E4F1: variants seen among roughly 807,000 people sequenced by gnomAD.
The protein encoded by E4F1 is transcription factor E4F1.
In E4F1, 30 loss-of-function variants were observed where a neutral mutation model predicts 72.9. That is an observed-to-expected ratio of 0.41 (90% confidence interval 0.31 to 0.56). E4F1 has a LOEUF of 0.56. Ranked by LOEUF, E4F1 falls within the 20% of genes least tolerant of loss-of-function variation. The probability of loss-of-function intolerance (pLI) is 0.25; values close to 1 mark genes in which losing one functional copy is unlikely to be tolerated. For synonymous variants in E4F1, 542 were observed against 478.2 expected (o/e 1.13, Z -1.74); for missense variants, 1,091 against 1,117.5 (o/e 0.98, Z 0.34).
intron 3 of E4F1, 38 bp downstream of exon 3, chr16:2,229,713 T>C (rs1378152416): frequency 6.2e-7 from 1 of 1,604,814 alleles, no homozygotes; most frequent in Non-Finnish European, 8.5e-7. Context: ...CTGATAGACC[T>C]TCGTGGTTGG....
Position 2,234,196 on chromosome 16 carries a change from G to A in E4F1, c.1401G>A (p.Gln467=). ...GGCCGAGGCCGTTCGCCTGCGCGCA[G>A]TGTGGCAAGGCCTTCCCCAAGGCCT... ...HTGPRPFACA[Q]CGKAFPKAYL... Residue 467 remains glutamine (Q), a synonymous_variant, in exon 10 of 14, where the codon CAG becomes CAA. Transcript: ENST00000301727. 6.2e-7 allele frequency: 1 copy of A among 1,612,528 alleles called. No individual in the cohort carries two copies. The highest frequency in any genetic ancestry group is 8.5e-7 in the Non-Finnish European group (1 of 1,179,914).
At position 2,234,058 on chromosome 16, in the gene E4F1, T is replaced by C. The variant is rs58584758; in HGVS notation, c.1375+68T>C. On this transcript the variant is annotated intron_variant, in intron 9 of 13. Transcript: ENST00000301727. ...TATAGGTGGCCGGGGTGCTTCTGGG[T>C]GTCCAGGGTGGGTCCATAGACAGCA... 3,984 of 1,532,730 alleles carry C rather than the reference T, an allele frequency of 2.6e-3. 70 individuals are homozygous for C. In the African/African-American group the frequency reaches 0.044, roughly 17 times the overall value. 94.9% of individuals were successfully genotyped at this position (1,532,730 alleles called of 1,614,324 possible).
At chr16:2,227,685 G>A (rs2093440240) in intron 1 of E4F1, among the ~76,000 whole-genome samples, 1 of 152,056 alleles carries the variant, frequency 6.6e-6, no homozygotes, top group Admixed American at 6.6e-5. Flanking sequence ...ATTTTTAGTA[G>A]AGATGGGATT....
rs774596350 is a variant in E4F1 at position 2,229,546 on chromosome 16, CCT to C, written c.310-23_310-22del. On this transcript the variant is annotated intron_variant, in intron 2 of 13. Coordinates refer to ENST00000301727, the MANE Select transcript of E4F1 (RefSeq NM_004424.5). ...AACTCTGGAGCATACAGACGACTCC[CCT>C]GTTTTCTTCCCCCTTTGGCAGGTGG... 1.6e-5 allele frequency: 25 copies of C among 1,603,732 alleles called. No homozygotes were observed. The Middle Eastern group carries it at 1.8e-3, about 117-fold the overall frequency.
chr16:2,223,962 GGGC>G lies in E4F1; in HGVS notation c.157+194_157+196del, dbSNP rs1302125933. 2.6e-6 allele frequency: 4 copies of G among 1,517,088 alleles called. No individual in the cohort carries two copies. In the South Asian group the frequency reaches 4.9e-5, roughly 19 times the overall value. The allele number at this position is 1,517,088 out of a possible 1,614,324, so 94.0% of individuals were successfully genotyped here. A position where few individuals can be genotyped will look rare whatever the true frequency, so the allele number is the denominator to read the frequency against. On this transcript the variant is annotated intron_variant, in intron 1 of 13. Transcript: ENST00000301727. ...GCGACCCTCACGGGCCTCTCCTGCG[GGGC>G]GCCTGTCATCCCCCCTCTCTGGTGT...
intron 8 of E4F1, 111 bp downstream of exon 8, chr16:2,233,758 A>T (rs2093484007): frequency 1.4e-6 from 2 of 1,429,844 alleles, no homozygotes; most frequent in Non-Finnish European, 1.9e-6. Flanking sequence ...TTGTCCATTG[A>T]TCTGTTTACT....
chr16:2,227,854 G>A (rs923235856), intron 1 of E4F1, among the ~76,000 whole-genome samples: 3 of 142,716 alleles, frequency 2.1e-5, no homozygotes, highest in Non-Finnish European at 4.5e-5. Context: ...TGGTAGAGAT[G>A]GGTCTTGCTA....
intron 3 of E4F1, 119 bp downstream of exon 3, chr16:2,229,794 C>T: frequency 8.9e-6 from 10 of 1,118,920 alleles, no homozygotes; most frequent in South Asian, 4.1e-5. Context: ...TGGGAGGGGC[C>T]GCGGCCTCGT....
intron 1 of E4F1, among the ~76,000 whole-genome samples, chr16:2,225,623 G>A (rs1299311818): frequency 6.6e-6 from 1 of 151,490 alleles, no homozygotes. Context: ...ACGGCACGCG[G>A]CATCACACCC....
chr16:2,234,210 T>A lies in E4F1; in HGVS notation c.1415T>A (p.Phe472Tyr). 6.2e-7 allele frequency: 1 copy of A among 1,612,680 alleles called. No individual in the cohort carries two copies. The highest frequency in any genetic ancestry group is 8.5e-7 in the Non-Finnish European group (1 of 1,179,916). Residue 472 changes from phenylalanine to tyrosine, a missense_variant, in exon 10 of 14, where the codon TTC becomes TAC. Coordinates refer to ENST00000301727, the MANE Select transcript of E4F1 (RefSeq NM_004424.5). ...GCCTGCGCGCAGTGTGGCAAGGCCT[T>A]CCCCAAGGCCTACCTGCTCAAGAAG... is the stretch of plus-strand genomic sequence containing the variant. Reference protein sequence around the residue: ...PFACAQCGKAFPKAYLLKKHQ... With the variant: ...PFACAQCGKAYPKAYLLKKHQ...
intron 1 of E4F1, among the ~76,000 whole-genome samples, chr16:2,225,990 G>A (rs1033675900): frequency 6.6e-6 from 1 of 152,150 alleles, no homozygotes; most frequent in Middle Eastern, 3.4e-3. Flanking sequence ...CTTCTCAGGA[G>A]GCTGAGGCAG....
In E4F1 at chr16:2,223,656, G is replaced by T. The variant is rs1469280666; in HGVS notation, c.43G>T (p.Ala15Ser). 1 of 1,588,748 alleles carries T rather than the reference G, an allele frequency of 6.3e-7. No homozygotes were observed. The highest frequency in any genetic ancestry group is 1.7e-5 in the Admixed American group (1 of 58,476). ...AGTGCGGGTGACGGCCGCTCATACG[G>T]CAGAAGCCCAGGCCGAAGCCGGGCG... The part of the protein sequence containing the change: ...MAVRVTAAHT[A>S]EAQAEAGREA... Residue 15 changes from alanine (A) to serine (S), a missense_variant, in exon 1 of 14, where the codon GCA becomes TCA. By Grantham distance (99) the Ala-to-Ser change is moderately conservative. Around this residue, in one of 5 missense-constraint regions of E4F1, gnomAD observed 362 missense variants for 358.6 expected, o/e 1.01. Transcript: ENST00000301727.
At chr16:2,228,693 C>G (rs2093447552) in intron 2 of E4F1, among the ~76,000 whole-genome samples, 170 bp downstream of exon 2, 1 of 152,326 alleles carries the variant, frequency 6.6e-6, no homozygotes, top group East Asian at 1.9e-4. Context: ...GCCTGTGGTG[C>G]TCTGGGGCGT....
rs374373444 is a variant in E4F1, at chr16:2,234,998, C to T, written c.1932C>T (p.Ile644=). The T allele has an allele frequency of 2.9e-5, 46 of 1,610,674 alleles. No homozygotes were observed. The highest frequency in any genetic ancestry group is 7.7e-5 in the South Asian group (7 of 90,766). ...TAGCTGACACCCAGGAGTATATCATCGAGGTGGGTGTGGGGCCCTGGGGCC... is the reference window on the plus strand; with the variant it reads ...TAGCTGACACCCAGGAGTATATCATTGAGGTGGGTGTGGGGCCCTGGGGCC... ...SVVADTQEYI[I]EATADDAETS... Residue 644 remains isoleucine (I), a synonymous_variant, in exon 12 of 14, where the codon ATC becomes ATT. Coordinates refer to ENST00000301727, the MANE Select transcript of E4F1 (RefSeq NM_004424.5).
intron 5 of E4F1, 64 bp from the exon 6 acceptor site, chr16:2,232,692 T>G: frequency 6.2e-7 from 1 of 1,608,590 alleles, no homozygotes; most frequent in East Asian, 2.2e-5. Context: ...CTGCCTGCCT[T>G]CGCCTTGTCA....
At chr16:2,231,712 C>G (rs1449690953) in intron 3 of E4F1, 2 of 163,340 alleles carry the variant, frequency 1.2e-5, no homozygotes, top group African/African-American at 4.8e-5. Flanking sequence ...GCCTGCCTGC[C>G]CTGCTGCAGT....
rs754298020 is a variant in E4F1 at position 2,235,272 on chromosome 16, C to G, written c.2055C>G (p.Gly685=). Residue 685 remains glycine (G), a synonymous_variant, in exon 14 of 14, where the codon GGC becomes GGG. Transcript: ENST00000301727. ...AGATCGTGCACCAGGCTAGCGCCGG[C>G]CACCAGATCATCGTGCAGAACGTCA... The part of the protein sequence containing the change: ...VQQIVHQASA[G]HQIIVQNVTM... 1 of 1,611,254 alleles carries G rather than the reference C, an allele frequency of 6.2e-7. No individual in the cohort carries two copies. Among genetic ancestry groups the G allele is most frequent in the Non-Finnish European group, 8.5e-7 (1 of 1,179,836 alleles).
At position 2,229,559 on chromosome 16, in the gene E4F1, C is replaced by G; in HGVS notation, c.310-11C>G. On this transcript the variant is annotated splice_polypyrimidine_tract_variant and intron_variant, in intron 2 of 13. Coordinates refer to ENST00000301727, the MANE Select transcript of E4F1 (RefSeq NM_004424.5). ...ACAGACGACTCCCCTGTTTTCTTCC[C>G]CCTTTGGCAGGTGGTGCCGGCAGCA... 2 of 1,608,274 alleles carry G rather than the reference C, an allele frequency of 1.2e-6. No homozygotes were observed. Among genetic ancestry groups the G allele is most frequent in the Non-Finnish European group, 1.7e-6 (2 of 1,179,394 alleles).
At chr16:2,226,048 G>A (rs571576707) in intron 1 of E4F1, among the ~76,000 whole-genome samples, 4 of 151,740 alleles carry the variant, frequency 2.6e-5, no homozygotes, top group East Asian at 2.0e-4. Flanking sequence ...AGCTGAGATC[G>A]CCCCACTGCA....
Sources: allele counts gnomAD v4.1 joint callset (sites outside exome capture counted in the v4.1 genomes callset), GRCh38; gene constraint gnomAD v4.1.1; regional missense constraint gnomAD v4.1.1; transcripts MANE v1.5; gene names NCBI Gene and HGNC (gene_info 2026-07-23, HGNC 2026-07-21).